KLHL7: variants seen among roughly 807,000 people sequenced by gnomAD.
KLHL7 encodes kelch like family member 7.
KLHL7 carries 44 observed loss-of-function variants against 67.4 expected under a neutral mutation model. The ratio of observed to expected loss-of-function variants is 0.65; its 90% CI spans 0.51 to 0.84. The LOEUF (loss-of-function observed/expected upper bound fraction) is 0.84, where lower values mean the gene tolerates loss of function less well. KLHL7 is among the 40% of genes least tolerant of loss of function. The pLI is 0.00. For missense variants in KLHL7, 362 were observed against 718.1 expected, an observed-to-expected ratio of 0.50 and a Z score of 5.67; for synonymous variants, 252 against 243.3, an observed-to-expected ratio of 1.04 and a Z score of -0.33.
At chr7:23,154,326 G>T (rs753928217) in intron 7 of KLHL7, among the ~76,000 whole-genome samples, 1 of 151,822 alleles carries the variant, frequency 6.6e-6, no homozygotes, top group Non-Finnish European at 1.5e-5. Context: ...CGGCACTCCA[G>T]CCTGGGCAAC....
chr7:23,163,543 C>A (rs1176296955), intron 7 of KLHL7, among the ~76,000 whole-genome samples: 1 of 152,090 alleles, frequency 6.6e-6, no homozygotes, highest in Non-Finnish European at 1.5e-5. Flanking sequence ...GGGCAAGATA[C>A]AATGGAGTGT....
At chr7:23,157,258 A>G (rs1267571142) in intron 7 of KLHL7, among the ~76,000 whole-genome samples, 2 of 152,248 alleles carry the variant, frequency 1.3e-5, no homozygotes, top group Admixed American at 6.5e-5. Context: ...AAATGTGAAC[A>G]CTGCTACAAT....
chr7:23,117,476 T>C (rs1783141458), intron 1 of KLHL7, among the ~76,000 whole-genome samples: 1 of 152,192 alleles, frequency 6.6e-6, no homozygotes, highest in Non-Finnish European at 1.5e-5. Context: ...TTTTTTTTCT[T>C]AGTCCCAGCT....
chr7:23,169,862 G>A (rs1246522153), intron 9 of KLHL7, among the ~76,000 whole-genome samples: 1 of 152,108 alleles, frequency 6.6e-6, no homozygotes, highest in Admixed American at 6.5e-5. Context: ...TGAAAAGCTA[G>A]TGTGAATATA....
chr7:23,170,070 C>T (rs899428704), intron 9 of KLHL7, among the ~76,000 whole-genome samples: 7 of 152,062 alleles, frequency 4.6e-5, no homozygotes, highest in Non-Finnish European at 2.9e-5. Flanking sequence ...AAAAATTAGC[C>T]GGGCGTGGTG....
intron 6 of KLHL7, among the ~76,000 whole-genome samples, chr7:23,150,036 G>A (rs1398750518): frequency 1.3e-5 from 2 of 152,154 alleles, no homozygotes; most frequent in African/African-American, 2.4e-5. Flanking sequence ...TTTCAGGCCT[G>A]CAATCCCAGT....
intron 4 of KLHL7, among the ~76,000 whole-genome samples, chr7:23,131,305 C>G (rs1294778111): frequency 6.6e-6 from 1 of 151,872 alleles, no homozygotes; most frequent in Non-Finnish European, 1.5e-5. Flanking sequence ...CCCTTTTTTC[C>G]CAGGAACTTG....
chr7:23,151,517 G>A (rs1420626137), intron 6 of KLHL7, among the ~76,000 whole-genome samples: 1 of 122,324 alleles, frequency 8.2e-6, no homozygotes, highest in Non-Finnish European at 1.6e-5. Context: ...TGCTGATTCA[G>A]TAGGTCTGGG....
rs1011371792 is a variant in KLHL7 at position 23,174,861 on chromosome 7, C to T, written c.*563C>T. 20 of 454,460 alleles carry T rather than the reference C, an allele frequency of 4.4e-5. No homozygotes were observed. The highest frequency in any genetic ancestry group is 3.4e-4 in the African/African-American group (17 of 50,016). 28.2% of individuals were successfully genotyped at this position (454,460 alleles called of 1,614,324 possible). A position where few individuals can be genotyped will look rare whatever the true frequency, so the allele number is the denominator to read the frequency against. ...GGCATATACACACTTTCTCACAAAA[C>T]TTCCTAAACAGATTTGGGGGTTTAA... is the stretch of plus-strand genomic sequence containing the variant. On this transcript the variant is annotated 3_prime_UTR_variant, in exon 11 of 11. Transcript: ENST00000339077.
In KLHL7 at chr7:23,170,994, G is replaced by A. The variant is rs375977327; in HGVS notation, c.1380-1954G>A. The A allele has an allele frequency of 1.5e-4, 21 of 143,646 alleles. No individual in the cohort carries two copies. In the East Asian group the frequency reaches 1.6e-3, roughly 11 times the overall value. 8.9% of individuals were successfully genotyped at this position (143,646 alleles called of 1,614,324 possible). On this transcript the variant is annotated intron_variant, in intron 9 of 10. Transcript: ENST00000339077. The stretch of plus-strand genomic sequence containing the variant: ...ACGATCTCAGCTCACTGCAACTTCT[G>A]CCTCCCAGGTTCAAGCGATTCTCCT...
intron 4 of KLHL7, among the ~76,000 whole-genome samples, chr7:23,133,529 T>A (rs1281760532): frequency 6.6e-6 from 1 of 152,102 alleles, no homozygotes; most frequent in Admixed American, 6.5e-5. Context: ...CCTCTTGGGT[T>A]CAAGCGATTC....
intron 6 of KLHL7, among the ~76,000 whole-genome samples, chr7:23,148,034 C>G (rs1784413741): frequency 6.6e-6 from 1 of 152,174 alleles, no homozygotes; most frequent in African/African-American, 2.4e-5. Flanking sequence ...TCTCCTCTGC[C>G]TCATACAGCC....
At chr7:23,141,605 A>G (rs930981936) in intron 5 of KLHL7, among the ~76,000 whole-genome samples, 1 of 151,782 alleles carries the variant, frequency 6.6e-6, no homozygotes, top group African/African-American at 2.4e-5. Flanking sequence ...AGAACACTTT[A>G]TTTAATTCAT....
chr7:23,155,101 A>T (rs1396001613), intron 7 of KLHL7, among the ~76,000 whole-genome samples: 1 of 152,176 alleles, frequency 6.6e-6, no homozygotes, highest in Non-Finnish European at 1.5e-5. Context: ...TGGCTCAGAC[A>T]TCAATTTCTG....
intron 7 of KLHL7, among the ~76,000 whole-genome samples, chr7:23,155,588 C>T (rs12700417): frequency 0.92 from 139,385 of 150,734 alleles, 64,629 homozygotes; most frequent in East Asian, 0.99. Flanking sequence ...CGCTTGAACC[C>T]GAGAGGTGGA....
intron 4 of KLHL7, chr7:23,140,556 CAAAAAACA>C (rs1193565496): frequency 2.6e-5 from 15 of 571,978 alleles, no homozygotes; most frequent in African/African-American, 7.0e-5. Context: ...GACTCCGTCT[CAAAAAACA>C]AAAAAACAAA....
At chr7:23,153,889 C>T (rs1881202) in intron 7 of KLHL7, among the ~76,000 whole-genome samples, 140,926 of 152,274 alleles carry the variant, frequency 0.93, 65,395 homozygotes, top group East Asian at 0.99. Context: ...GCAAGCTGTC[C>T]ATTTTCAAGG....
intron 9 of KLHL7, chr7:23,171,219 C>T: frequency 3.2e-6 from 1 of 310,790 alleles, no homozygotes; most frequent in Admixed American, 3.8e-5. Flanking sequence ...CTTCAGATTG[C>T]AGATAGCGGG....
Position 23,163,043 on chromosome 7 carries a change from A to G in KLHL7, c.937-2655A>G, listed in dbSNP as rs548155243. On this transcript the variant is annotated intron_variant, in intron 7 of 10. Transcript: ENST00000339077. ...CAGTATTTCTATTATTTGAGGATCTATGTGTTTTCAGAATACATTATATAA... is the reference window on the plus strand; with the variant it reads ...CAGTATTTCTATTATTTGAGGATCTGTGTGTTTTCAGAATACATTATATAA... 2.0e-5 allele frequency among the ~76,000 whole-genome samples: 3 copies of G among 152,320 alleles called. No individual in the cohort carries two copies. In the South Asian group the frequency reaches 6.2e-4, roughly 32 times the overall value.
Sources: gnomAD v4.1 joint callset for allele counts (sites outside exome capture counted in the v4.1 genomes callset) on GRCh38, gnomAD v4.1.1 for gene constraint, MANE v1.5 for transcripts, NCBI Gene and HGNC (gene_info 2026-07-23, HGNC 2026-07-21) for gene names.